Variants in CSGALNACT1 observed in about 807,000 individuals in gnomAD.
The protein encoded by CSGALNACT1 is beta4GalNAcT-1.
A neutral mutation model predicts 51.0 loss-of-function variants in CSGALNACT1; 52 were observed. That is an observed-to-expected ratio of 1.02 (90% CI 0.82 to 1.29). The LOEUF (loss-of-function observed/expected upper bound fraction) is 1.29. Among genes scored for constraint, CSGALNACT1 ranks in the 50% most tolerant of loss-of-function variants. The pLI, the probability that CSGALNACT1 is intolerant of heterozygous loss-of-function variation, is 0.00. For missense variants in CSGALNACT1, 935 were observed against 679.2 expected (o/e 1.38, Z -4.19); for synonymous variants, 341 against 254.4 (o/e 1.34, Z -3.24).
chr8:19,723,095 A>G (rs1337233919), intron 1 of CSGALNACT1, among the ~76,000 whole-genome samples: 1 of 151,996 alleles, frequency 6.6e-6, no homozygotes, highest in Non-Finnish European at 1.5e-5. Flanking sequence ...ATGCTAATTT[A>G]TTTTCTCAGA....
At chr8:19,448,603 G>T (rs546156655) in intron 5 of CSGALNACT1, among the ~76,000 whole-genome samples, 2 of 152,134 alleles carry the variant, frequency 1.3e-5, no homozygotes, top group Non-Finnish European at 2.9e-5. Flanking sequence ...TCCACTGGGT[G>T]CCAGGGAAAG....
At chr8:19,575,265 T>A (rs1301485999) in intron 3 of CSGALNACT1, among the ~76,000 whole-genome samples, 1 of 152,260 alleles carries the variant, frequency 6.6e-6, no homozygotes, top group Non-Finnish European at 1.5e-5. Flanking sequence ...AGCTGCACTC[T>A]GGTTGTCGCC....
intron 8 of CSGALNACT1, among the ~76,000 whole-genome samples, chr8:19,418,182 A>G (rs138659447): frequency 5.4e-4 from 83 of 152,348 alleles, no homozygotes; most frequent in African/African-American, 1.9e-3. Flanking sequence ...CGGGAAGGGC[A>G]CTGGGAGCAC....
intron 6 of CSGALNACT1, among the ~76,000 whole-genome samples, chr8:19,424,773 C>G (rs2058514049): frequency 6.6e-6 from 1 of 152,160 alleles, no homozygotes; most frequent in African/African-American, 2.4e-5. Flanking sequence ...ACCATTCAAA[C>G]ACAATGACAC....
intron 5 of CSGALNACT1, among the ~76,000 whole-genome samples, chr8:19,442,766 A>G (rs1586119734): frequency 6.6e-6 from 1 of 151,864 alleles, no homozygotes; most frequent in East Asian, 1.9e-4. Flanking sequence ...GCTAAAGTCC[A>G]GAGAGGATGA....
chr8:19,737,398 T>C (rs957823999), intron 1 of CSGALNACT1, among the ~76,000 whole-genome samples: 5 of 152,150 alleles, frequency 3.3e-5, no homozygotes, highest in Admixed American at 6.5e-5. Context: ...ATTTACAAGA[T>C]AGATAAGGCA....
chr8:19,692,453 A>C (rs1228492112), intron 1 of CSGALNACT1, among the ~76,000 whole-genome samples: 1 of 152,192 alleles, frequency 6.6e-6, no homozygotes, highest in African/African-American at 2.4e-5. Flanking sequence ...TGGTGTGTTC[A>C]ATGTCTACGC....
upstream of CSGALNACT1, among the ~76,000 whole-genome samples, chr8:19,603,477 C>T (rs2050874698): frequency 1.3e-5 from 2 of 152,210 alleles, no homozygotes; most frequent in South Asian, 4.1e-4. Context: ...CCGCCTCTGC[C>T]TGGCCAATCA....
intron 4 of CSGALNACT1, among the ~76,000 whole-genome samples, chr8:19,461,478 A>T (rs62496181): frequency 0.49 from 60,180 of 122,128 alleles, 14,472 homozygotes; most frequent in East Asian, 0.83. Flanking sequence ...ACATTCACCA[A>T]GGAGGGCCTA....
At chr8:19,453,400 A>T (rs551332069) in intron 5 of CSGALNACT1, among the ~76,000 whole-genome samples, 160 of 152,354 alleles carry the variant, frequency 1.1e-3, no homozygotes, top group African/African-American at 3.7e-3. Flanking sequence ...TACTGACACA[A>T]TAAAGGTTTA....
chr8:19,518,484 C>G (rs1053165252), intron 3 of CSGALNACT1, among the ~76,000 whole-genome samples: 1 of 152,158 alleles, frequency 6.6e-6, no homozygotes, highest in Non-Finnish European at 1.5e-5. Flanking sequence ...ACTATGTAAA[C>G]ATCATACCTG....
chr8:19,728,931 A>T (rs1430568080), intron 1 of CSGALNACT1, among the ~76,000 whole-genome samples: 1 of 152,102 alleles, frequency 6.6e-6, no homozygotes, highest in Non-Finnish European at 1.5e-5. Context: ...ATTTCTAAGG[A>T]GCTATGGGTT....
chr8:19,541,985 G>T (rs752823479), intron 3 of CSGALNACT1, among the ~76,000 whole-genome samples: 1 of 152,032 alleles, frequency 6.6e-6, no homozygotes, highest in Non-Finnish European at 1.5e-5. Flanking sequence ...CTGGAATGGA[G>T]GCAAGATGTG....
chr8:19,723,570 G>A (rs1054269055), intron 1 of CSGALNACT1, among the ~76,000 whole-genome samples: 1 of 152,194 alleles, frequency 6.6e-6, no homozygotes, highest in Non-Finnish European at 1.5e-5. Context: ...GAAGTTGCTG[G>A]GACAGAGACA....
At chr8:19,628,593 T>C (rs1398870823) in intron 1 of CSGALNACT1, among the ~76,000 whole-genome samples, 1 of 152,006 alleles carries the variant, frequency 6.6e-6, no homozygotes, top group East Asian at 1.9e-4. Flanking sequence ...TGCTAAGTAA[T>C]AGAGGTAGGA....
chr8:19,434,806 A>T (rs930623120), intron 6 of CSGALNACT1, among the ~76,000 whole-genome samples: 2 of 152,274 alleles, frequency 1.3e-5, no homozygotes, highest in East Asian at 3.9e-4. Context: ...TCATTTTAGC[A>T]AATGAGATGG....
chr8:19,515,914 G>T (rs1330093911), intron 3 of CSGALNACT1, among the ~76,000 whole-genome samples: 2 of 152,064 alleles, frequency 1.3e-5, no homozygotes, highest in Admixed American at 6.5e-5. Flanking sequence ...GCAGGACACT[G>T]GCATAAGAAG....
chr8:19,481,224 G>A (rs1007042530), intron 4 of CSGALNACT1, among the ~76,000 whole-genome samples: 1 of 151,982 alleles, frequency 6.6e-6, no homozygotes, highest in Non-Finnish European at 1.5e-5. Context: ...CTCATTTCCT[G>A]AATGCCTTGT....
chr8:19,678,299 G>T (rs1002624946), intron 1 of CSGALNACT1, among the ~76,000 whole-genome samples: 1 of 152,146 alleles, frequency 6.6e-6, no homozygotes, highest in East Asian at 1.9e-4. Flanking sequence ...TTTAGAATTA[G>T]CATGTAATAC....
Sources: gnomAD v4.1 joint callset for allele counts (sites outside exome capture counted in the v4.1 genomes callset) on GRCh38, gnomAD v4.1.1 for gene constraint, MANE v1.5 for transcripts, NCBI Gene and HGNC (gene_info 2026-07-23, HGNC 2026-07-21) for gene names.